Variants in BAZ2B observed in about 807,000 individuals in gnomAD.
The protein encoded by BAZ2B is bromodomain adjacent to zinc finger domain 2B.
BAZ2B carries 91 observed loss-of-function variants against 246.0 expected under a neutral mutation model. The ratio of observed to expected loss-of-function variants is 0.37; its 90% CI spans 0.31 to 0.44. The LOEUF is 0.44. BAZ2B is among the 20% of genes least tolerant of loss of function. The probability of loss-of-function intolerance (pLI) is 1.00; values close to 1 mark genes in which losing one functional copy is unlikely to be tolerated. For synonymous variants in BAZ2B, 855 were observed against 860.0 expected, an observed-to-expected ratio of 0.99 and a Z score of 0.10; for missense variants, 2,332 against 2,533.7, an observed-to-expected ratio of 0.92 and a Z score of 1.71.
intron 1 of BAZ2B, among the ~76,000 whole-genome samples, chr2:159,603,994 T>C (rs1333653428): frequency 2.0e-5 from 3 of 152,226 alleles, no homozygotes; most frequent in African/African-American, 4.8e-5. Context: ...TAATAGAATT[T>C]TGAACATTTG....
chr2:159,599,618 C>CA (rs70997173), intron 1 of BAZ2B, among the ~76,000 whole-genome samples: 41 of 133,058 alleles, frequency 3.1e-4, no homozygotes, highest in Non-Finnish European at 3.6e-4. Flanking sequence ...AACTCTGTCT[C>CA]AAAAAAAAAA....
intron 23 of BAZ2B, among the ~76,000 whole-genome samples, chr2:159,384,090 A>T (rs1323727147): frequency 1.3e-5 from 2 of 152,032 alleles, no homozygotes; most frequent in African/African-American, 4.8e-5. Flanking sequence ...ATATACACTA[A>T]GTGTATATAT....
At chr2:159,593,347 T>C (rs549101817) in intron 1 of BAZ2B, among the ~76,000 whole-genome samples, 1 of 152,322 alleles carries the variant, frequency 6.6e-6, no homozygotes, top group African/African-American at 2.4e-5. Context: ...TAGGATAATG[T>C]TCCTGCGAGG....
chr2:159,502,290 G>A (rs2151116344), intron 2 of BAZ2B, among the ~76,000 whole-genome samples: 1 of 151,410 alleles, frequency 6.6e-6, no homozygotes, highest in Non-Finnish European at 1.5e-5. Context: ...ACTTTAAATG[G>A]ACAAATTGTA....
At chr2:159,398,627 CA>C (rs2064445426) in intron 18 of BAZ2B, among the ~76,000 whole-genome samples, 1 of 151,900 alleles carries the variant, frequency 6.6e-6, no homozygotes, top group African/African-American at 2.4e-5. Flanking sequence ...CAAAGCATTA[CA>C]AAAAACCCTG....
chr2:159,357,820 T>C (rs2059272272), intron 27 of BAZ2B, among the ~76,000 whole-genome samples: 1 of 152,130 alleles, frequency 6.6e-6, no homozygotes, highest in South Asian at 2.1e-4. Context: ...TCAACATTCT[T>C]AAAGAAAAGA....
At chr2:159,457,926 GT>G (rs1266116098) in intron 3 of BAZ2B, among the ~76,000 whole-genome samples, 1 of 152,128 alleles carries the variant, frequency 6.6e-6, no homozygotes, top group Non-Finnish European at 1.5e-5. Flanking sequence ...TAAAAGGAAA[GT>G]TTTCATAATT....
At chr2:159,554,367 A>C (rs1387529697) in intron 2 of BAZ2B, among the ~76,000 whole-genome samples, 1 of 152,150 alleles carries the variant, frequency 6.6e-6, no homozygotes, top group Non-Finnish European at 1.5e-5. Flanking sequence ...TTCTATAGAA[A>C]TATGTCAATA....
chr2:159,449,113 A>G (rs2074669944), intron 4 of BAZ2B, among the ~76,000 whole-genome samples: 1 of 152,214 alleles, frequency 6.6e-6, no homozygotes, highest in Non-Finnish European at 1.5e-5. Context: ...ACAGATAACA[A>G]TGATTGTTTT....
Position 159,577,708 on chromosome 2 carries a change from C to T in BAZ2B, c.-45-21843G>A, listed in dbSNP as rs1025957336. Among the ~76,000 whole-genome samples, 3 of 152,256 alleles carry T rather than the reference C, an allele frequency of 2.0e-5. No homozygotes were observed. In the South Asian group the frequency reaches 6.2e-4, roughly 32 times the overall value. On this transcript the variant is annotated intron_variant, in intron 1 of 36. Coordinates refer to ENST00000392783, the MANE Select transcript of BAZ2B (RefSeq NM_013450.4). ...TGACAAGACTCAAGAATATCTCTATCTTAAAACGTATCTGCTTCAGTTTAG... is the reference window on the plus strand; with the variant it reads ...TGACAAGACTCAAGAATATCTCTATTTTAAAACGTATCTGCTTCAGTTTAG...
chr2:159,340,348 G>C lies in BAZ2B; in HGVS notation c.5455-2576C>G, dbSNP rs201059764. Reference sequence around the variant, plus strand: ...TTACAGAAGGTGAAGAGAAGGGAAAGGTGAGGAAAAAAAATTTAATGAAAT... The same window carrying C: ...TTACAGAAGGTGAAGAGAAGGGAAACGTGAGGAAAAAAAATTTAATGAAAT... On this transcript the variant is annotated intron_variant, in intron 31 of 36. Transcript: ENST00000392783. 4.8e-4 allele frequency among the ~76,000 whole-genome samples: 72 copies of C among 151,294 alleles called. 1 individual carries two copies. Among genetic ancestry groups the C allele is most frequent in the Non-Finnish European group, 1.0e-3 (70 of 67,770 alleles).
chr2:159,626,940 A>G, the BAZ2B span, among the ~76,000 whole-genome samples: 1 of 152,316 alleles, frequency 6.6e-6, no homozygotes, highest in East Asian at 1.9e-4. Context: ...TAAAGAAGAA[A>G]AGAGAGAAGA....
chr2:159,605,431 T>C (rs1172611128), intron 1 of BAZ2B, among the ~76,000 whole-genome samples: 1 of 152,242 alleles, frequency 6.6e-6, no homozygotes, highest in Non-Finnish European at 1.5e-5. Flanking sequence ...AATAAACATG[T>C]ATTTTTACCC....
the BAZ2B span, among the ~76,000 whole-genome samples, chr2:159,623,242 T>A: frequency 6.6e-6 from 1 of 151,952 alleles, no homozygotes; most frequent in Non-Finnish European, 1.5e-5. Flanking sequence ...CAGTGGTATA[T>A]ACCTGTAGTC....
intron 2 of BAZ2B, among the ~76,000 whole-genome samples, chr2:159,535,739 C>T (rs1417691254): frequency 3.3e-5 from 5 of 152,250 alleles, no homozygotes; most frequent in South Asian, 2.1e-4. Context: ...TCTTTAAAGA[C>T]ATTAATATTC....
intron 27 of BAZ2B, among the ~76,000 whole-genome samples, chr2:159,357,707 GC>G (rs1158074981): frequency 6.6e-6 from 1 of 152,158 alleles, no homozygotes; most frequent in African/African-American, 2.4e-5. Flanking sequence ...GTTAAGGACA[GC>G]CAGAGAGAAA....
At chr2:159,464,621 G>A (rs1023655460) in intron 3 of BAZ2B, 1 of 152,184 alleles carries the variant, frequency 6.6e-6, no homozygotes, top group African/African-American at 2.4e-5. Flanking sequence ...AGCCGCGGTA[G>A]CTTTGGGAAG....
intron 1 of BAZ2B, among the ~76,000 whole-genome samples, chr2:159,604,013 A>G (rs574865376): frequency 6.6e-6 from 1 of 152,344 alleles, no homozygotes; most frequent in East Asian, 1.9e-4. Context: ...TGAAATTTTT[A>G]TCAATGCTTT....
the BAZ2B span, among the ~76,000 whole-genome samples, chr2:159,657,990 G>A: frequency 2.6e-5 from 4 of 152,176 alleles, no homozygotes; most frequent in African/African-American, 9.7e-5. Context: ...GGTGAAAGTG[G>A]ACATCTCTGC....
Sources: allele counts gnomAD v4.1 joint callset (sites outside exome capture counted in the v4.1 genomes callset), GRCh38; gene constraint gnomAD v4.1.1; transcripts MANE v1.5; gene names NCBI Gene and HGNC (gene_info 2026-07-23, HGNC 2026-07-21).